Variants in IQCJ observed in about 807,000 individuals in gnomAD.
IQCJ encodes the protein IQ motif containing J, also known as IQ domain-containing protein J.
IQCJ carries 9 observed loss-of-function variants against 11.0 expected under a neutral mutation model. The ratio of observed to expected loss-of-function variants is 0.82; its 90% CI spans 0.49 to 1.43. The LOEUF is 1.43. Among genes scored for constraint, IQCJ ranks in the 40% most tolerant of loss-of-function variants. The pLI is 0.00. For synonymous variants in IQCJ, 55 were observed against 51.3 expected (o/e 1.07, Z -0.31); for missense variants, 146 against 133.2 (o/e 1.10, Z -0.47).
intron 1 of IQCJ, among the ~76,000 whole-genome samples, chr3:159,089,144 G>C (rs1717035966): frequency 6.6e-6 from 1 of 152,064 alleles, no homozygotes; most frequent in South Asian, 2.1e-4. Context: ...GCATTTGCTT[G>C]TCTGTAAAGT....
At chr3:159,083,029 A>G (rs1275613521) in intron 1 of IQCJ, among the ~76,000 whole-genome samples, 2 of 152,266 alleles carry the variant, frequency 1.3e-5, no homozygotes, top group East Asian at 3.9e-4. Flanking sequence ...AAATAGAAAA[A>G]TTTTGAAACC....
Position 159,208,847 on chromosome 3 carries a change from G to A in IQCJ, c.10-36996G>A, listed in dbSNP as rs554095969. Among the ~76,000 whole-genome samples the A allele has an allele frequency of 2.6e-5, 4 of 152,256 alleles. No homozygotes were observed. In the East Asian group the frequency reaches 7.7e-4, roughly 29 times the overall value. ...GGGAGTATTCTAAATCCAATGACAG[G>A]TATTCTTAGATGAGAAGAGACAGAC... On this transcript the variant is annotated intron_variant, in intron 1 of 3. Transcript: ENST00000397832.
At chr3:159,145,661 A>G (rs923613680) in intron 1 of IQCJ, among the ~76,000 whole-genome samples, 2 of 152,082 alleles carry the variant, frequency 1.3e-5, no homozygotes, top group African/African-American at 4.8e-5. Context: ...ATTTTAATCA[A>G]TCACTTATTT....
intron 1 of IQCJ, among the ~76,000 whole-genome samples, chr3:159,167,638 A>G (rs1722247662): frequency 6.6e-6 from 1 of 152,320 alleles, no homozygotes; most frequent in South Asian, 2.1e-4. Flanking sequence ...ATTTTCAGGC[A>G]GAATTCTTGA....
At chr3:159,166,562 A>T (rs1220384119) in intron 1 of IQCJ, among the ~76,000 whole-genome samples, 1 of 152,192 alleles carries the variant, frequency 6.6e-6, no homozygotes, top group East Asian at 1.9e-4. Context: ...ACTCCCCCAA[A>T]TAAATTAAGT....
At chr3:159,263,814 T>G, downstream of IQCJ, 1 of 985,156 alleles carries the variant, frequency 1.0e-6, no homozygotes, top group Non-Finnish European at 1.2e-6. Flanking sequence ...CAAATAAAAG[T>G]GGCAGAAGAT....
At chr3:159,084,822 C>A (rs906838983) in intron 1 of IQCJ, among the ~76,000 whole-genome samples, 2 of 151,962 alleles carry the variant, frequency 1.3e-5, no homozygotes, top group South Asian at 4.2e-4. Flanking sequence ...GGTTTTATAT[C>A]CTGAGTCTTG....
intron 1 of IQCJ, among the ~76,000 whole-genome samples, chr3:159,168,265 T>A (rs955777045): frequency 4.6e-5 from 7 of 152,164 alleles, no homozygotes; most frequent in Non-Finnish European, 1.0e-4. Flanking sequence ...AGGCTGGGGA[T>A]GAACTTGAGT....
chr3:159,193,572 A>T (rs1432892721), intron 1 of IQCJ, among the ~76,000 whole-genome samples: 1 of 152,194 alleles, frequency 6.6e-6, no homozygotes, highest in Admixed American at 6.5e-5. Flanking sequence ...GTGTGGTTCC[A>T]TGTTGGTGGA....
At chr3:159,242,370 T>C (rs1227350662) in intron 1 of IQCJ, among the ~76,000 whole-genome samples, 1 of 152,174 alleles carries the variant, frequency 6.6e-6, no homozygotes, top group Non-Finnish European at 1.5e-5. Context: ...TGTTCAGATG[T>C]TGGTAGATCA....
At chr3:159,158,188 A>G (rs1721640213) in intron 1 of IQCJ, among the ~76,000 whole-genome samples, 1 of 152,202 alleles carries the variant, frequency 6.6e-6, no homozygotes, top group Non-Finnish European at 1.5e-5. Flanking sequence ...TTGTAGAAAA[A>G]CTACAAATCT....
At chr3:159,156,464 C>T (rs147478567) in intron 1 of IQCJ, among the ~76,000 whole-genome samples, 20 of 152,218 alleles carry the variant, frequency 1.3e-4, no homozygotes, top group East Asian at 5.8e-4. Flanking sequence ...CTGTATGGCA[C>T]GTTCCAAGAG....
chr3:159,233,311 G>T (rs9834328), intron 1 of IQCJ, among the ~76,000 whole-genome samples: 4 of 151,952 alleles, frequency 2.6e-5, no homozygotes, highest in Admixed American at 6.5e-5. Context: ...GTCAAGAAAG[G>T]TTCCAAGGAG....
chr3:159,069,565 A>G lies in IQCJ; in HGVS notation c.9+124A>G, dbSNP rs1715398284. 2.2e-6 allele frequency: 3 copies of G among 1,377,406 alleles called. No homozygotes were observed. The South Asian group carries it at 4.5e-5, about 21-fold the overall frequency. The allele number at this position is 1,377,406 out of a possible 1,614,324, so 85.3% of individuals were successfully genotyped here. A position where few individuals can be genotyped will look rare whatever the true frequency, so the allele number is the denominator to read the frequency against. The stretch of plus-strand genomic sequence containing the variant: ...AAAAAATGTCAAAAAGAGCTTATAG[A>G]ACAGTGTGGGCTTAATTATTGGTCT... On this transcript the variant is annotated intron_variant, in intron 1 of 3. Transcript: ENST00000397832.
chr3:159,227,722 C>A (rs1725941791), intron 1 of IQCJ, among the ~76,000 whole-genome samples: 1 of 152,154 alleles, frequency 6.6e-6, no homozygotes, highest in African/African-American at 2.4e-5. Flanking sequence ...TTCTACATAG[C>A]AAAGGAGAGC....
At chr3:159,108,626 G>T (rs1718422305) in intron 1 of IQCJ, among the ~76,000 whole-genome samples, 1 of 152,180 alleles carries the variant, frequency 6.6e-6, no homozygotes, top group Admixed American at 6.5e-5. Context: ...TGTATTAGCT[G>T]TGAAACTAAT....
At chr3:159,082,182 C>A (rs1019576005) in intron 1 of IQCJ, among the ~76,000 whole-genome samples, 12 of 152,036 alleles carry the variant, frequency 7.9e-5, no homozygotes, top group African/African-American at 2.7e-4. Flanking sequence ...GAATAAATAA[C>A]CAACTTAGAA....
intron 1 of IQCJ, among the ~76,000 whole-genome samples, chr3:159,233,296 G>A (rs542108801): frequency 5.9e-5 from 9 of 152,252 alleles, no homozygotes; most frequent in East Asian, 3.9e-4. Context: ...TGCTAGGTGA[G>A]GGGGGTCAAG....
At chr3:159,203,351 G>C (rs1482591081) in intron 1 of IQCJ, among the ~76,000 whole-genome samples, 2 of 151,054 alleles carry the variant, frequency 1.3e-5, no homozygotes, top group Non-Finnish European at 2.9e-5. Context: ...GAGCTGAAGA[G>C]TGATAAGAAT....
Sources: gnomAD v4.1 joint callset for allele counts (sites outside exome capture counted in the v4.1 genomes callset) on GRCh38, gnomAD v4.1.1 for gene constraint, MANE v1.5 for transcripts, NCBI Gene and HGNC (gene_info 2026-07-23, HGNC 2026-07-21) for gene names.